SLC25A42: variants seen among roughly 807,000 people sequenced by gnomAD.
The protein encoded by SLC25A42 is mitochondrial coenzyme A transporter SLC25A42.
SLC25A42 carries 19 observed loss-of-function variants against 34.7 expected under a neutral mutation model. The ratio of observed to expected loss-of-function variants is 0.55; its 90% CI spans 0.38 to 0.80. SLC25A42 has a LOEUF of 0.80. Ranked by LOEUF, SLC25A42 falls within the 30% of genes least tolerant of loss-of-function variation. The pLI is 0.00. For missense variants in SLC25A42, 364 were observed against 441.3 expected (o/e 0.82, Z 1.57); for synonymous variants, 205 against 191.2 (o/e 1.07, Z -0.59).
chr19:19,094,889 T>C (rs997073030), intron 1 of SLC25A42, among the ~76,000 whole-genome samples: 2 of 151,278 alleles, frequency 1.3e-5, no homozygotes, highest in Non-Finnish European at 2.9e-5. Flanking sequence ...AAATATAAAA[T>C]GAAAAATAAA....
intron 1 of SLC25A42, among the ~76,000 whole-genome samples, chr19:19,073,378 G>C (rs2059640068): frequency 6.6e-6 from 1 of 152,186 alleles, no homozygotes; most frequent in South Asian, 2.1e-4. Context: ...GTGCAGGGCA[G>C]AGCAGTTAAC....
chr19:19,064,801 G>T (rs1259356277), intron 1 of SLC25A42, among the ~76,000 whole-genome samples: 1 of 150,890 alleles, frequency 6.6e-6, no homozygotes, highest in African/African-American at 2.4e-5. Context: ...GAATCCCCCA[G>T]GTCCTCCAAT....
At chr19:19,100,124 T>C (rs1240602487) in intron 2 of SLC25A42, among the ~76,000 whole-genome samples, 3 of 151,848 alleles carry the variant, frequency 2.0e-5, no homozygotes, top group African/African-American at 7.2e-5. Flanking sequence ...GGCAGATCAC[T>C]TGAGGCCAGG....
At chr19:19,068,374 A>G (rs967733141) in intron 1 of SLC25A42, among the ~76,000 whole-genome samples, 2 of 144,254 alleles carry the variant, frequency 1.4e-5, no homozygotes, top group Non-Finnish European at 3.0e-5. Context: ...AAAAAAAAGT[A>G]TATCATGTCG....
chr19:19,095,570 G>A (rs1243208374), intron 1 of SLC25A42, among the ~76,000 whole-genome samples: 1 of 152,168 alleles, frequency 6.6e-6, no homozygotes, highest in African/African-American at 2.4e-5. Flanking sequence ...CCAAGATCGT[G>A]CCACTGCACT....
intron 1 of SLC25A42, among the ~76,000 whole-genome samples, chr19:19,088,114 T>C (rs562425902): frequency 6.6e-6 from 1 of 152,260 alleles, no homozygotes; most frequent in Admixed American, 6.5e-5. Flanking sequence ...GATTGGCCAT[T>C]GTCCTGCACC....
Position 19,106,055 on chromosome 19 carries a change from AG to A in SLC25A42, c.381-208del, listed in dbSNP as rs929369305. 4.2e-4 allele frequency: 233 copies of A among 560,020 alleles called. 1 individual carries two copies. Among genetic ancestry groups the A allele is most frequent in the Non-Finnish European group, 1.0e-4 (32 of 315,680 alleles). 34.7% of individuals were successfully genotyped at this position (560,020 alleles called of 1,614,324 possible). ...ATACGCATCATTAATTTATGCCAGC[AG>A]GGGGGAAGGGAAGGCAGCCATGTAA... is the stretch of plus-strand genomic sequence containing the variant. On this transcript the variant is annotated intron_variant, in intron 5 of 7. Transcript: ENST00000318596.
chr19:19,102,339 T>A (rs1177190391), intron 3 of SLC25A42, among the ~76,000 whole-genome samples: 1 of 152,066 alleles, frequency 6.6e-6, no homozygotes, highest in Admixed American at 6.6e-5. Context: ...TTGCCCAGGC[T>A]GGCTTCAAAG....
chr19:19,106,338 C>T lies in SLC25A42; in HGVS notation c.450C>T (p.Tyr150=). ...GAACGACAGCCGCTTCACTGACCTA[C>T]CCCCTGGACCTGGTCAGAGCGCGGA... The part of the protein sequence containing the change: ...LAGTTAASLT[Y]PLDLVRARMA... The change falls in exon 6 of 8, where the codon TAC becomes TAT. Residue 150 remains tyrosine, a synonymous_variant. Coordinates refer to ENST00000318596, the MANE Select transcript of SLC25A42 (RefSeq NM_178526.5). 2.5e-6 allele frequency: 4 copies of T among 1,613,654 alleles called. No homozygotes were observed. Among genetic ancestry groups the T allele is most frequent in the South Asian group, 1.1e-5 (1 of 91,060 alleles).
At chr19:19,108,830 C>T (rs1161089001) in intron 7 of SLC25A42, among the ~76,000 whole-genome samples, 2 of 152,046 alleles carry the variant, frequency 1.3e-5, no homozygotes, top group African/African-American at 4.8e-5. Context: ...CCCTCTGTTG[C>T]CCAAGTTGGT....
At chr19:19,104,301 G>T (rs1051904466) in intron 3 of SLC25A42, among the ~76,000 whole-genome samples, 1 of 152,180 alleles carries the variant, frequency 6.6e-6, no homozygotes, top group African/African-American at 2.4e-5. Flanking sequence ...CAGCAGGCAT[G>T]CATGCATGTT....
chr19:19,107,354 C>T (rs1052452274), intron 6 of SLC25A42, among the ~76,000 whole-genome samples: 4 of 150,290 alleles, frequency 2.7e-5, no homozygotes, highest in African/African-American at 4.9e-5. Context: ...GAATAGAGGC[C>T]GAGCATGGTG....
Position 19,110,985 on chromosome 19 carries a change from G to A in SLC25A42, c.*109G>A, listed in dbSNP as rs1314928583. 3 of 1,288,448 alleles carry A rather than the reference G, an allele frequency of 2.3e-6. No individual in the cohort carries two copies. Among genetic ancestry groups the A allele is most frequent in the Non-Finnish European group, 3.2e-6 (3 of 930,246 alleles). 79.8% of individuals were successfully genotyped at this position (1,288,448 alleles called of 1,614,324 possible). On this transcript the variant is annotated 3_prime_UTR_variant, in exon 8 of 8. Transcript: ENST00000318596. ...TTCTACTTCAGGAGGCACATGGGGC[G>A]CTTTATGGAACGAGCAGGTGGGCCT...
At chr19:19,090,924 C>T (rs994734645) in intron 1 of SLC25A42, among the ~76,000 whole-genome samples, 42 of 152,364 alleles carry the variant, frequency 2.8e-4, no homozygotes, top group African/African-American at 9.6e-4. Context: ...CTTGTTCTCA[C>T]TGTGGTCCCC....
At chr19:19,065,741 CAT>C (rs1399133458) in intron 1 of SLC25A42, among the ~76,000 whole-genome samples, 1 of 152,122 alleles carries the variant, frequency 6.6e-6, no homozygotes, top group African/African-American at 2.4e-5. Context: ...GTGTTGTACA[CAT>C]ATGTACATGT....
At chr19:19,108,087 C>T (rs1482346211) in intron 7 of SLC25A42, 42 bp downstream of exon 7, 1 of 1,526,378 alleles carries the variant, frequency 6.6e-7, no homozygotes, top group East Asian at 2.3e-5. Flanking sequence ...GTTCAGGAAG[C>T]ATTCCCTGGG....
chr19:19,099,191 A>T (rs1181522874), intron 2 of SLC25A42, among the ~76,000 whole-genome samples: 1 of 152,182 alleles, frequency 6.6e-6, no homozygotes, highest in Non-Finnish European at 1.5e-5. Context: ...ACCTGGCTGC[A>T]TGTCCCAGAA....
At chr19:19,074,161 G>A (rs1385784981) in intron 1 of SLC25A42, among the ~76,000 whole-genome samples, 2 of 152,242 alleles carry the variant, frequency 1.3e-5, no homozygotes, top group Non-Finnish European at 2.9e-5. Context: ...ACAGAGGACA[G>A]CAATTGATCA....
At chr19:19,103,583 C>T (rs1229535931) in intron 3 of SLC25A42, among the ~76,000 whole-genome samples, 1 of 152,198 alleles carries the variant, frequency 6.6e-6, no homozygotes, top group African/African-American at 2.4e-5. Flanking sequence ...CAGAAACCCT[C>T]GCCCTCCCTC....
Sources: gnomAD v4.1 joint callset for allele counts (sites outside exome capture counted in the v4.1 genomes callset) on GRCh38, gnomAD v4.1.1 for gene constraint, MANE v1.5 for transcripts, NCBI Gene and HGNC (gene_info 2026-07-23, HGNC 2026-07-21) for gene names.